Variants in TFF1 observed in about 807,000 individuals in gnomAD.
TFF1 encodes breast cancer estrogen-inducible protein.
Under a neutral mutation model 7.7 loss-of-function variants are expected in TFF1, and 8 were observed. That is an observed-to-expected ratio of 1.04 (90% CI 0.61 to 1.87). The LOEUF is 1.87. Among genes scored for constraint, TFF1 ranks in the 40% most tolerant of loss-of-function variants. TFF1 has a pLI of 0.00. For synonymous variants in TFF1, 47 were observed against 44.8 expected (o/e 1.05, Z -0.19); for missense variants, 120 against 113.4 (o/e 1.06, Z -0.26).
Position 42,366,524 on chromosome 21 carries a change from C to A in TFF1, c.-29G>T. 1 of 1,591,948 alleles carries A rather than the reference C, an allele frequency of 6.3e-7. No homozygotes were observed. Among genetic ancestry groups the A allele is most frequent in the Non-Finnish European group, 8.6e-7 (1 of 1,164,348 alleles). On this transcript the variant is annotated 5_prime_UTR_variant, in exon 1 of 3. Transcript: ENST00000291527. ...CTCCTCTCTGCTCCAAAGGCGACCC[C>A]GAGTCAGGGATGAGAGGCCGCCCGA...
chr21:42,362,655 C>T (rs916232553), intron 2 of TFF1, among the ~76,000 whole-genome samples, 160 bp from the exon 3 acceptor site: 6 of 152,208 alleles, frequency 3.9e-5, no homozygotes, highest in South Asian at 2.1e-4. Context: ...CGCCTGTAAT[C>T]CCAGCTCTCT....
At chr21:42,366,130 C>T (rs1460796200) in intron 1 of TFF1, among the ~76,000 whole-genome samples, 1 of 152,162 alleles carries the variant, frequency 6.6e-6, no homozygotes, top group Non-Finnish European at 1.5e-5. Context: ...TGAAACATGA[C>T]ACTTGGGAGG....
chr21:42,366,507 T>C lies in TFF1; in HGVS notation c.-12A>G. On this transcript the variant is annotated 5_prime_UTR_variant, in exon 1 of 3. Coordinates refer to ENST00000291527, the MANE Select transcript of TFF1 (RefSeq NM_003225.3). Reference sequence around the variant, plus strand: ...TCCATGGTGGCCATTGCCTCCTCTCTGCTCCAAAGGCGACCCCGAGTCAGG... The same window carrying C: ...TCCATGGTGGCCATTGCCTCCTCTCCGCTCCAAAGGCGACCCCGAGTCAGG... 1 of 1,607,080 alleles carries C rather than the reference T, an allele frequency of 6.2e-7. No homozygotes were observed. The highest frequency in any genetic ancestry group is 8.5e-7 in the Non-Finnish European group (1 of 1,175,140).
At chr21:42,364,648 C>G (rs1343471687) in intron 1 of TFF1, among the ~76,000 whole-genome samples, 1 of 152,224 alleles carries the variant, frequency 6.6e-6, no homozygotes, top group African/African-American at 2.4e-5. Flanking sequence ...AGAGCACCCT[C>G]CGGTCCCTGT....
intron 1 of TFF1, among the ~76,000 whole-genome samples, chr21:42,365,727 T>A (rs545319573): frequency 6.6e-6 from 1 of 152,204 alleles, no homozygotes; most frequent in African/African-American, 2.4e-5. Flanking sequence ...AGACCGTTGA[T>A]CCATTCTGCA....
chr21:42,362,392 G>T lies in TFF1; in HGVS notation c.*87C>A. ...CTGCAGAAGCGTGTCTGAGGTGTCC[G>T]GTGGAGGTGGCAGCCGAGCTCTGGG... On this transcript the variant is annotated 3_prime_UTR_variant, in exon 3 of 3. Transcript: ENST00000291527. The T allele has an allele frequency of 6.8e-7, 1 of 1,468,662 alleles. No individual in the cohort carries two copies. The allele number at this position is 1,468,662 out of a possible 1,614,324, so 91.0% of individuals were successfully genotyped here. A position where few individuals can be genotyped will look rare whatever the true frequency, so the allele number is the denominator to read the frequency against.
chr21:42,363,467 T>G (rs113473466), intron 1 of TFF1, 60 bp from the exon 2 acceptor site: 1 of 1,555,686 alleles, frequency 6.4e-7, no homozygotes, highest in South Asian at 1.2e-5. Context: ...GATGTTATCA[T>G]GCACACACCC....
At chr21:42,364,732 G>GC (rs2052265911) in intron 1 of TFF1, among the ~76,000 whole-genome samples, 1 of 152,172 alleles carries the variant, frequency 6.6e-6, no homozygotes, top group Non-Finnish European at 1.5e-5. Context: ...CCCAGGGGAG[G>GC]CCGAGAGGGG....
At position 42,362,348 on chromosome 21, in the gene TFF1, G is replaced by T. The variant is rs1397549710; in HGVS notation, c.*131C>A. The T allele has an allele frequency of 2.9e-6, 3 of 1,022,190 alleles. No individual in the cohort carries two copies. The East Asian group carries it at 8.1e-5, about 28-fold the overall frequency. 63.3% of individuals were successfully genotyped at this position (1,022,190 alleles called of 1,614,324 possible). A position where few individuals can be genotyped will look rare whatever the true frequency, so the allele number is the denominator to read the frequency against. On this transcript the variant is annotated 3_prime_UTR_variant, in exon 3 of 3. Transcript: ENST00000291527. ...GTCAAAGTCAGAGCAGTCAATCTGTGTTGTGAGCCGAGGCACAGCTGCAGA... is the reference window on the plus strand; with the variant it reads ...GTCAAAGTCAGAGCAGTCAATCTGTTTTGTGAGCCGAGGCACAGCTGCAGA...
intron 1 of TFF1, among the ~76,000 whole-genome samples, chr21:42,365,721 C>T (rs753923033): frequency 5.3e-5 from 8 of 152,190 alleles, no homozygotes; most frequent in African/African-American, 1.9e-4. Context: ...TAGGGCAGAC[C>T]GTTGATCCAT....
At chr21:42,365,530 G>T (rs1245831260) in intron 1 of TFF1, among the ~76,000 whole-genome samples, 1 of 152,118 alleles carries the variant, frequency 6.6e-6, no homozygotes, top group African/African-American at 2.4e-5. Flanking sequence ...GGCACGGACA[G>T]CACCACTGGG....
intron 1 of TFF1, among the ~76,000 whole-genome samples, chr21:42,365,986 C>A (rs1281355132): frequency 6.6e-6 from 1 of 152,176 alleles, no homozygotes; most frequent in Non-Finnish European, 1.5e-5. Context: ...GGGAGAGGGT[C>A]TCCCAGGTGG....
chr21:42,364,352 G>A (rs2052262451), intron 1 of TFF1, among the ~76,000 whole-genome samples: 1 of 152,144 alleles, frequency 6.6e-6, no homozygotes. Context: ...TCAGGAGGTG[G>A]AAACCCATTG....
Position 42,362,494 on chromosome 21 carries a change from C to T in TFF1, c.240G>A (p.Glu80=). The T allele has an allele frequency of 1.3e-6, 2 of 1,584,708 alleles. No individual in the cohort carries two copies. The highest frequency in any genetic ancestry group is 1.7e-4 in the Middle Eastern group (1 of 5,920). Residue 80 remains glutamate, a splice_region_variant and synonymous_variant, in exon 3 of 3, where the codon GAG becomes GAA. Transcript: ENST00000291527. ...YPNTIDVPPE[E]ECEF is the part of the protein sequence containing the mutation. ...GCAGAAGTGTCTAAAATTCACACTCCTCTACAGGGGTGAGGGGGAGGGAGA... is the reference window on the plus strand; with the variant it reads ...GCAGAAGTGTCTAAAATTCACACTCTTCTACAGGGGTGAGGGGGAGGGAGA...
intron 2 of TFF1, 76 bp downstream of exon 2, chr21:42,363,179 C>T (rs1303031324): frequency 1.3e-6 from 2 of 1,591,900 alleles, no homozygotes; most frequent in East Asian, 4.5e-5. Context: ...TGATGCTGAT[C>T]AGAGCCTCTG....
At position 42,362,472 on chromosome 21, in the gene TFF1, G is replaced by A. The variant is rs369969769; in HGVS notation, c.*7C>T. The A allele has an allele frequency of 1.3e-5, 21 of 1,585,206 alleles. No homozygotes were observed. The African/African-American group carries it at 2.7e-4, about 20-fold the overall frequency. On this transcript the variant is annotated 3_prime_UTR_variant, in exon 3 of 3. Coordinates refer to ENST00000291527, the MANE Select transcript of TFF1 (RefSeq NM_003225.3). ...GTCAGGATGCAGGCAGATCCCTGCAGAAGTGTCTAAAATTCACACTCCTCT... is the reference window on the plus strand; with the variant it reads ...GTCAGGATGCAGGCAGATCCCTGCAAAAGTGTCTAAAATTCACACTCCTCT...
chr21:42,365,546 C>T (rs975229452), intron 1 of TFF1, among the ~76,000 whole-genome samples: 15 of 152,112 alleles, frequency 9.9e-5, no homozygotes, highest in African/African-American at 3.6e-4. Flanking sequence ...CTGGGCGCTC[C>T]CTCTTCAGGC....
At position 42,363,387 on chromosome 21, in the gene TFF1, G is replaced by C. The variant is rs199538523; in HGVS notation, c.106C>G (p.Arg36Gly). 3.1e-6 allele frequency: 5 copies of C among 1,614,030 alleles called. No individual in the cohort carries two copies. Among genetic ancestry groups the C allele is most frequent in the Non-Finnish European group, 4.2e-6 (5 of 1,179,996 alleles). Residue 36 changes from arginine (R) to glycine (G), a missense_variant, in exon 2 of 3, where the codon CGT (arginine) becomes GGT (glycine). Coordinates refer to ENST00000291527, the MANE Select transcript of TFF1 (RefSeq NM_003225.3). ...AQTETCTVAPRERQNCGFPGV... is the reference protein window; with the variant it reads ...AQTETCTVAPGERQNCGFPGV... Reference sequence around the variant, plus strand: ...GGAAAACCACAATTCTGTCTTTCACGGGGGGCCACTGTACACGTCTCTGAA... The same window carrying C: ...GGAAAACCACAATTCTGTCTTTCACCGGGGGCCACTGTACACGTCTCTGAA...
At chr21:42,365,847 T>C (rs924200531) in intron 1 of TFF1, among the ~76,000 whole-genome samples, 2 of 152,138 alleles carry the variant, frequency 1.3e-5, no homozygotes, top group Non-Finnish European at 2.9e-5. Flanking sequence ...CCAGGGAATA[T>C]GGGTTGCCAG....
Sources: gnomAD v4.1 joint callset for allele counts (sites outside exome capture counted in the v4.1 genomes callset) on GRCh38, gnomAD v4.1.1 for gene constraint, MANE v1.5 for transcripts, NCBI Gene and HGNC (gene_info 2026-07-23, HGNC 2026-07-21) for gene names.